Variants in PTPRR observed in about 807,000 individuals in gnomAD.
The protein encoded by PTPRR is protein tyrosine phosphatase receptor type R.
In PTPRR, 38 loss-of-function variants were observed where a neutral mutation model predicts 77.2. That is an observed-to-expected ratio of 0.49 (90% CI 0.38 to 0.65). The LOEUF is 0.65. Ranked by LOEUF, PTPRR falls within the 30% of genes least tolerant of loss-of-function variation. PTPRR has a pLI of 0.00. For missense variants in PTPRR, 744 were observed against 799.2 expected, an observed-to-expected ratio of 0.93 and a Z score of 0.83; for synonymous variants, 299 against 283.1, an observed-to-expected ratio of 1.06 and a Z score of -0.57.
intron 2 of PTPRR, among the ~76,000 whole-genome samples, chr12:70,881,732 A>G (rs1159297101): frequency 3.3e-5 from 5 of 152,226 alleles, no homozygotes; most frequent in Admixed American, 2.0e-4. Context: ...AAAACGTCTT[A>G]AGTAGAAGAT....
intron 2 of PTPRR, among the ~76,000 whole-genome samples, chr12:70,806,602 C>T (rs1277693114): frequency 8.5e-5 from 13 of 152,146 alleles, no homozygotes; most frequent in Non-Finnish European, 1.8e-4. Flanking sequence ...CACATAACTT[C>T]CTTATAAAAA....
chr12:70,666,617 G>A (rs1387777427), intron 10 of PTPRR, among the ~76,000 whole-genome samples: 1 of 151,900 alleles, frequency 6.6e-6, no homozygotes, highest in Non-Finnish European at 1.5e-5. Context: ...GTCAAATCAG[G>A]GACAGGTGAG....
intron 6 of PTPRR, among the ~76,000 whole-genome samples, chr12:70,710,857 TC>T (rs1350769469): frequency 6.6e-6 from 1 of 152,096 alleles, no homozygotes; most frequent in Admixed American, 6.6e-5. Flanking sequence ...AGATACCCTC[TC>T]ACACCAGTTA....
chr12:70,739,476 G>A, intron 6 of PTPRR, among the ~76,000 whole-genome samples: 1 of 152,120 alleles, frequency 6.6e-6, no homozygotes, highest in African/African-American at 2.4e-5. Context: ...AGATTCTTTA[G>A]AAACAGACGA....
intron 2 of PTPRR, chr12:70,789,065 T>C (rs1891379603): frequency 2.2e-6 from 1 of 463,252 alleles, no homozygotes; most frequent in East Asian, 3.5e-5. Context: ...GTTTCAACAG[T>C]TTACTAGAAT....
At chr12:70,814,536 C>T (rs1056476146) in intron 2 of PTPRR, among the ~76,000 whole-genome samples, 2 of 152,276 alleles carry the variant, frequency 1.3e-5, no homozygotes, top group Admixed American at 1.3e-4. Flanking sequence ...GGGAGGTCCC[C>T]AGCTTATAGT....
At chr12:70,913,728 A>G (rs146500591) in intron 1 of PTPRR, among the ~76,000 whole-genome samples, 4 of 152,266 alleles carry the variant, frequency 2.6e-5, no homozygotes, top group African/African-American at 9.6e-5. Flanking sequence ...CTTGTTGTCA[A>G]TAAGTGTAAA....
chr12:70,792,951 A>G (rs1260350820), intron 2 of PTPRR, among the ~76,000 whole-genome samples: 2 of 152,186 alleles, frequency 1.3e-5, no homozygotes, highest in African/African-American at 4.8e-5. Flanking sequence ...TTTATGGTGA[A>G]GTTTGGATAG....
At chr12:70,784,421 T>G (rs1019362239) in intron 2 of PTPRR, among the ~76,000 whole-genome samples, 8 of 152,226 alleles carry the variant, frequency 5.3e-5, no homozygotes, top group Non-Finnish European at 8.8e-5. Context: ...GTTGGGTCGA[T>G]GCTGCCGAGA....
chr12:70,707,574 T>C (rs914664824), intron 6 of PTPRR, among the ~76,000 whole-genome samples: 4 of 152,246 alleles, frequency 2.6e-5, no homozygotes, highest in Middle Eastern at 3.4e-3. Context: ...TTTTTCACCA[T>C]TATAAACAAA....
chr12:70,848,063 T>C (rs1349744950), intron 2 of PTPRR, among the ~76,000 whole-genome samples: 1 of 152,188 alleles, frequency 6.6e-6, no homozygotes, highest in Non-Finnish European at 1.5e-5. Flanking sequence ...GTCATTACTA[T>C]AAATTACAAG....
intron 1 of PTPRR, among the ~76,000 whole-genome samples, chr12:70,898,337 T>C (rs1030482697): frequency 4.0e-5 from 6 of 150,670 alleles, no homozygotes; most frequent in African/African-American, 1.2e-4. Context: ...ACCCAATGCA[T>C]TATCTTGTCA....
rs76310802 is a variant in PTPRR, at chr12:70,684,806, A to T, written c.1280-23T>A. ...GATCTAATGAAGAAAACAAAAAAGA[A>T]TATATTAAACAGATTTACCCTTTTT... is the stretch of plus-strand genomic sequence containing the variant. On this transcript the variant is annotated intron_variant, in intron 8 of 13. Transcript: ENST00000283228. 11,685 of 1,526,774 alleles carry T rather than the reference A, an allele frequency of 7.7e-3. 79 individuals are homozygous for T. Among genetic ancestry groups the T allele is most frequent in the Non-Finnish European group, 8.3e-3 (9,277 of 1,116,304 alleles). The allele number at this position is 1,526,774 out of a possible 1,614,324, so 94.6% of individuals were successfully genotyped here. A position where few individuals can be genotyped will look rare whatever the true frequency, so the allele number is the denominator to read the frequency against.
intron 2 of PTPRR, among the ~76,000 whole-genome samples, chr12:70,877,265 TA>T (rs1893067705): frequency 6.6e-6 from 1 of 152,140 alleles, no homozygotes; most frequent in Non-Finnish European, 1.5e-5. Context: ...GGGTACCTCC[TA>T]AATTTGTCCA....
intron 2 of PTPRR, among the ~76,000 whole-genome samples, chr12:70,770,487 A>C (rs908790513): frequency 3.3e-4 from 50 of 152,154 alleles, no homozygotes; most frequent in Non-Finnish European, 5.7e-4. Context: ...TTAGAATGGC[A>C]ATCATTAAAA....
At chr12:70,741,200 T>C (rs1890034574) in intron 6 of PTPRR, among the ~76,000 whole-genome samples, 1 of 152,216 alleles carries the variant, frequency 6.6e-6, no homozygotes, top group Non-Finnish European at 1.5e-5. Context: ...AGAAATTATG[T>C]TCTATATGTA....
At chr12:70,733,480 A>AAAAAAAAAAAAAAAAAAAAAAAATTAT (rs1565672451) in intron 6 of PTPRR, among the ~76,000 whole-genome samples, 1 of 85,808 alleles carries the variant, frequency 1.2e-5, no homozygotes, top group Non-Finnish European at 2.1e-5. Flanking sequence ...CAAAAAAAAA[A>AAAAAAAAAAAAAAAAAAAAAAAATTAT]AGAAAAAAAA....
At chr12:70,820,230 GAA>G (rs1891979739) in intron 2 of PTPRR, among the ~76,000 whole-genome samples, 1 of 152,174 alleles carries the variant, frequency 6.6e-6, no homozygotes, top group African/African-American at 2.4e-5. Context: ...TGTCTTGGCA[GAA>G]AATGATACTC....
At chr12:70,686,764 A>G (rs1349018009) in intron 8 of PTPRR, among the ~76,000 whole-genome samples, 10 of 152,156 alleles carry the variant, frequency 6.6e-5, no homozygotes, top group Admixed American at 5.9e-4. Context: ...GTGCCAGCCA[A>G]GTGTTCAGCT....
Sources: allele counts gnomAD v4.1 joint callset (sites outside exome capture counted in the v4.1 genomes callset), GRCh38; gene constraint gnomAD v4.1.1; transcripts MANE v1.5; gene names NCBI Gene and HGNC (gene_info 2026-07-23, HGNC 2026-07-21).